GNA13: variants seen among roughly 807,000 people sequenced by gnomAD.
The protein encoded by GNA13 is guanine nucleotide-binding protein subunit alpha-13.
A neutral mutation model predicts 33.5 loss-of-function variants in GNA13; 4 were observed. That is an observed-to-expected ratio of 0.12 (90% CI 0.06 to 0.27). The LOEUF is 0.27. GNA13 is among the 10% of genes least tolerant of loss of function. GNA13 has a pLI of 1.00. For missense variants in GNA13, 319 were observed against 487.2 expected, an observed-to-expected ratio of 0.65 and a Z score of 3.25; for synonymous variants, 176 against 183.8, an observed-to-expected ratio of 0.96 and a Z score of 0.34.
chr17:65,012,424 A>C lies in GNA13; in HGVS notation c.*1833T>G, dbSNP rs1014773706. Reference sequence around the variant, plus strand: ...CAATGTATTCTTTTTGGCAAGAAGCACTAGATGTAGAACTATTCAAACACG... The same window carrying C: ...CAATGTATTCTTTTTGGCAAGAAGCCCTAGATGTAGAACTATTCAAACACG... On this transcript the variant is annotated 3_prime_UTR_variant, in exon 4 of 4. Transcript: ENST00000439174. 9.0e-6 allele frequency: 2 copies of C among 221,962 alleles called. No homozygotes were observed. The highest frequency in any genetic ancestry group is 1.8e-5 in the Non-Finnish European group (2 of 111,080). The allele number at this position is 221,962 out of a possible 1,614,324, so 13.7% of individuals were successfully genotyped here.
chr17:65,026,184 TCAC>T (rs2074165346), intron 2 of GNA13, among the ~76,000 whole-genome samples: 1 of 149,978 alleles, frequency 6.7e-6, no homozygotes, highest in African/African-American at 2.5e-5. Flanking sequence ...TAAGACCAAA[TCAC>T]TACTCTCCAC....
chr17:65,031,477 G>A (rs892203662), intron 2 of GNA13, among the ~76,000 whole-genome samples: 1 of 152,132 alleles, frequency 6.6e-6, no homozygotes, highest in Admixed American at 6.6e-5. Context: ...GTCCTTTGTT[G>A]TGCAAGTTTG....
In GNA13 at chr17:65,012,822, CAG is replaced by C; in HGVS notation, c.*1433_*1434del. The C allele has an allele frequency of 4.6e-6, 1 of 218,128 alleles. No homozygotes were observed. The highest frequency in any genetic ancestry group is 6.8e-5 in the East Asian group (1 of 14,788). The allele number at this position is 218,128 out of a possible 1,614,324, so 13.5% of individuals were successfully genotyped here. Reference sequence around the variant, plus strand: ...TTTTCAGGAAAAGTAGAAAAGCTGTCAGACTTTTCAAGCTGTCGCCAGCCTTG... The same window carrying C: ...TTTTCAGGAAAAGTAGAAAAGCTGTCACTTTTCAAGCTGTCGCCAGCCTTG... On this transcript the variant is annotated 3_prime_UTR_variant, in exon 4 of 4. Transcript: ENST00000439174.
chr17:65,014,770 A>G lies in GNA13; in HGVS notation c.621T>C (p.His207=), dbSNP rs1906304531. Residue 207 remains histidine, a synonymous_variant, in exon 4 of 4, where the codon CAT becomes CAC. Transcript: ENST00000439174. The surrounding 1 kb of genome is among the most constrained non-coding windows in gnomAD (Gnocchi z 5.3). ...LLARRPTKGI[H]EYDFEIKNVP... is the part of the protein sequence containing the mutation. ...CATTTTTTATTTCAAAGTCGTATTC[A>G]TGGATGCCTTTGGTGGGTCTTCTGG... The G allele has an allele frequency of 6.2e-7, 1 of 1,613,634 alleles. No homozygotes were observed. Among genetic ancestry groups the G allele is most frequent in the Non-Finnish European group, 8.5e-7 (1 of 1,179,646 alleles).
chr17:65,035,677 C>A (rs989755879), intron 2 of GNA13, among the ~76,000 whole-genome samples: 3 of 152,074 alleles, frequency 2.0e-5, no homozygotes, highest in Admixed American at 6.6e-5. Context: ...CTTGAAAAAT[C>A]CCTCAAGGTT....
At chr17:65,023,763 G>C (rs1906673939) in intron 2 of GNA13, among the ~76,000 whole-genome samples, 1 of 152,158 alleles carries the variant, frequency 6.6e-6, no homozygotes, top group Non-Finnish European at 1.5e-5. Flanking sequence ...AGTTCCAACA[G>C]CATCTTTCAG....
chr17:65,019,040 A>T (rs916549445), intron 2 of GNA13, among the ~76,000 whole-genome samples: 3 of 152,104 alleles, frequency 2.0e-5, no homozygotes, highest in African/African-American at 7.2e-5. Context: ...CCTGCGTTTC[A>T]CTTTCCCGCG....
intron 2 of GNA13, 29 bp downstream of exon 2, chr17:65,053,473 C>T (rs1907926068): frequency 1.5e-6 from 2 of 1,339,922 alleles, no homozygotes; most frequent in African/African-American, 1.4e-5. Context: ...AAAATAAAAC[C>T]ACACGTTTTA....
intron 3 of GNA13, among the ~76,000 whole-genome samples, chr17:65,017,667 G>A (rs1157835902): frequency 6.6e-6 from 1 of 152,102 alleles, no homozygotes; most frequent in East Asian, 1.9e-4. Context: ...TCTTTTCAAG[G>A]GCGACTCCCC....
At position 65,015,662 on chromosome 17, in the gene GNA13, T is replaced by TAAAAAAAAA. The variant is rs59210481; in HGVS notation, c.562-842_562-834dup. Among the ~76,000 whole-genome samples, 2 of 74,702 alleles carry TAAAAAAAAA rather than the reference T, an allele frequency of 2.7e-5. 1 individual carries two copies. The allele number at this position is 74,702 out of a possible 152,430, so 49.0% of individuals were successfully genotyped here. On this transcript the variant is annotated intron_variant, in intron 3 of 3. Transcript: ENST00000439174. ...TGGGTGACAGAGCAAGACTTTGTCT[T>TAAAAAAAAA]AAAAAAAAAAAAAAAAAAAAAAAAG...
intron 2 of GNA13, among the ~76,000 whole-genome samples, chr17:65,028,916 A>G (rs1906901313): frequency 6.6e-6 from 1 of 152,130 alleles, no homozygotes; most frequent in African/African-American, 2.4e-5. Context: ...CTTAAAGAGG[A>G]ATACTATGGA....
intron 2 of GNA13, among the ~76,000 whole-genome samples, chr17:65,020,314 TC>T (rs1906536849): frequency 6.6e-6 from 1 of 152,192 alleles, no homozygotes; most frequent in Non-Finnish European, 1.5e-5. Flanking sequence ...TCTGGCCAAG[TC>T]TCTAAACTCC....
intron 2 of GNA13, among the ~76,000 whole-genome samples, chr17:65,023,121 T>C (rs537146451): frequency 6.6e-6 from 1 of 152,278 alleles, no homozygotes; most frequent in Non-Finnish European, 1.5e-5. Context: ...ACTAAATGAG[T>C]ACAGCCTAAA....
At chr17:65,023,058 A>G (rs1906641227) in intron 2 of GNA13, among the ~76,000 whole-genome samples, 1 of 152,266 alleles carries the variant, frequency 6.6e-6, no homozygotes, top group South Asian at 2.1e-4. Context: ...CTGTATGAAC[A>G]GTCCATGTGG....
At chr17:65,049,677 CCT>C in intron 2 of GNA13, among the ~76,000 whole-genome samples, 1 of 152,098 alleles carries the variant, frequency 6.6e-6, no homozygotes, top group African/African-American at 2.4e-5. Flanking sequence ...AGACACAGCC[CCT>C]AAGGCACTGT....
Position 65,011,364 on chromosome 17 carries a change from T to G in GNA13, c.*2893A>C, listed in dbSNP as rs369015683. 6 of 196,548 alleles carry G rather than the reference T, an allele frequency of 3.1e-5. No homozygotes were observed. The East Asian group carries it at 4.0e-4, about 13-fold the overall frequency. The allele number at this position is 196,548 out of a possible 1,614,324, so 12.2% of individuals were successfully genotyped here. ...TGAGTTTTTTCATTCCATATTGCTT[T>G]CTTTGGTTGCAGAGCAATCCAGTGC... On this transcript the variant is annotated 3_prime_UTR_variant, in exon 4 of 4. Coordinates refer to ENST00000439174, the MANE Select transcript of GNA13 (RefSeq NM_006572.6).
At position 65,042,554 on chromosome 17, in the gene GNA13, C is replaced by A. The variant is rs371540579; in HGVS notation, c.510+10948G>T. Among the ~76,000 whole-genome samples the A allele has an allele frequency of 2.9e-3, 440 of 151,856 alleles. 4 individuals carry two copies. Among genetic ancestry groups the A allele is most frequent in the African/African-American group, 0.01 (423 of 41,420 alleles). On this transcript the variant is annotated intron_variant, in intron 2 of 3. Transcript: ENST00000439174. Reference sequence around the variant, plus strand: ...AAGTTTCAGACCAGCATGGCCAACACGGTGAAACCCCATCTCTACCAAAAA... The same window carrying A: ...AAGTTTCAGACCAGCATGGCCAACAAGGTGAAACCCCATCTCTACCAAAAA...
chr17:65,022,912 C>A (rs1430087382), intron 2 of GNA13, among the ~76,000 whole-genome samples: 1 of 152,314 alleles, frequency 6.6e-6, no homozygotes, highest in East Asian at 1.9e-4. Flanking sequence ...TCGGAACAAC[C>A]ATCAACTGTC....
intron 2 of GNA13, 122 bp from the exon 3 acceptor site, chr17:65,018,425 T>C: frequency 1.5e-6 from 1 of 679,374 alleles, no homozygotes; most frequent in Non-Finnish European, 2.7e-6. Flanking sequence ...TAGTCACCAA[T>C]TTCAGACAGC....
Sources: allele counts gnomAD v4.1 joint callset (sites outside exome capture counted in the v4.1 genomes callset), GRCh38; gene constraint gnomAD v4.1.1; non-coding constraint Gnocchi (gnomAD v3.1); transcripts MANE v1.5; gene names NCBI Gene and HGNC (gene_info 2026-07-23, HGNC 2026-07-21).